Variants in FHIT observed in about 807,000 individuals in gnomAD.
The protein encoded by FHIT is bis(5'-adenosyl)-triphosphatase.
In FHIT, 19 loss-of-function variants were observed where a neutral mutation model predicts 17.9. The ratio of observed to expected loss-of-function variants is 1.06; its 90% CI spans 0.74 to 1.56. The LOEUF (loss-of-function observed/expected upper bound fraction) is 1.56, where lower values mean the gene tolerates loss of function less well. Ranked by LOEUF, FHIT falls within the 40% of genes most tolerant of loss-of-function variation. The pLI, the probability that FHIT is intolerant of heterozygous loss-of-function variation, is 0.00. For synonymous variants in FHIT, 81 were observed against 69.7 expected, an observed-to-expected ratio of 1.16 and a Z score of -0.81; for missense variants, 248 against 189.2, an observed-to-expected ratio of 1.31 and a Z score of -1.82.
intron 4 of FHIT, among the ~76,000 whole-genome samples, chr3:60,704,998 C>G (rs2041338124): frequency 6.6e-6 from 1 of 151,234 alleles, no homozygotes; most frequent in Non-Finnish European, 1.5e-5. Context: ...AAGAATGAAC[C>G]AACCCATAGG....
chr3:60,767,067 T>G (rs1699881436), intron 4 of FHIT, among the ~76,000 whole-genome samples: 1 of 152,218 alleles, frequency 6.6e-6, no homozygotes, highest in Admixed American at 6.5e-5. Context: ...GCTGACCCAT[T>G]TGGCTTGCAA....
intron 2 of FHIT, among the ~76,000 whole-genome samples, chr3:61,105,571 T>TA (rs561440499): frequency 8.6e-5 from 13 of 150,886 alleles, no homozygotes; most frequent in South Asian, 4.2e-4. Context: ...ATAATAATAA[T>TA]AAAAAAAAAG....
At chr3:60,975,363 A>C (rs1191467620) in intron 3 of FHIT, among the ~76,000 whole-genome samples, 1 of 152,200 alleles carries the variant, frequency 6.6e-6, no homozygotes, top group Non-Finnish European at 1.5e-5. Flanking sequence ...CAGAATTATT[A>C]ATTTTAAAGG....
intron 2 of FHIT, among the ~76,000 whole-genome samples, chr3:61,188,619 GAC>G (rs2038605717): frequency 6.6e-6 from 1 of 152,062 alleles, no homozygotes; most frequent in Middle Eastern, 3.2e-3. Flanking sequence ...GCTGGGCAGA[GAC>G]ACAACAAAAA....
chr3:60,174,907 C>A (rs1019897222), intron 5 of FHIT, among the ~76,000 whole-genome samples: 2 of 152,110 alleles, frequency 1.3e-5, no homozygotes, highest in African/African-American at 4.8e-5. Context: ...TAAATGCAAT[C>A]ATACATTTGA....
At chr3:61,120,361 T>C (rs1262738650) in intron 2 of FHIT, among the ~76,000 whole-genome samples, 1 of 152,216 alleles carries the variant, frequency 6.6e-6, no homozygotes, top group African/African-American at 2.4e-5. Flanking sequence ...CAGAAATCTT[T>C]TTATATTAGA....
At chr3:59,762,089 G>A (rs1701545964) in intron 8 of FHIT, among the ~76,000 whole-genome samples, 1 of 152,054 alleles carries the variant, frequency 6.6e-6, no homozygotes, top group African/African-American at 2.4e-5. Context: ...CAGTCAACCT[G>A]GTAACAGAGA....
chr3:61,020,725 C>G (rs574736031), intron 3 of FHIT, among the ~76,000 whole-genome samples: 1 of 152,140 alleles, frequency 6.6e-6, no homozygotes, highest in South Asian at 2.1e-4. Flanking sequence ...TGCAGACTGG[C>G]AAATTGGATA....
At chr3:61,172,304 T>C (rs1327123728) in intron 2 of FHIT, among the ~76,000 whole-genome samples, 1 of 152,206 alleles carries the variant, frequency 6.6e-6, no homozygotes, top group Admixed American at 6.5e-5. Flanking sequence ...TGATCTCTAA[T>C]GTAAACTTAG....
intron 5 of FHIT, among the ~76,000 whole-genome samples, chr3:60,321,924 C>G (rs1479519741): frequency 1.3e-5 from 2 of 152,150 alleles, no homozygotes; most frequent in African/African-American, 2.4e-5. Context: ...GCAGAGCCCT[C>G]GTGACTTAAT....
At chr3:61,213,295 A>T (rs1230414125) in intron 1 of FHIT, among the ~76,000 whole-genome samples, 1 of 152,214 alleles carries the variant, frequency 6.6e-6, no homozygotes, top group Non-Finnish European at 1.5e-5. Context: ...GGCTCAAAAT[A>T]AAGGGATGGA....
intron 2 of FHIT, among the ~76,000 whole-genome samples, chr3:61,101,253 G>A (rs2035811980): frequency 6.6e-6 from 1 of 152,098 alleles, no homozygotes; most frequent in African/African-American, 2.4e-5. Flanking sequence ...TGTAAGGAAG[G>A]GATCCAGTTT....
intron 2 of FHIT, among the ~76,000 whole-genome samples, chr3:61,045,641 A>G (rs1246615408): frequency 6.6e-6 from 1 of 152,226 alleles, no homozygotes; most frequent in Non-Finnish European, 1.5e-5. Context: ...AAGTGGACCT[A>G]ATAGACATCT....
intron 5 of FHIT, among the ~76,000 whole-genome samples, chr3:60,183,390 T>A (rs192791738): frequency 6.6e-6 from 1 of 152,270 alleles, no homozygotes; most frequent in Non-Finnish European, 1.5e-5. Context: ...AGAGTGAGAC[T>A]CTGTCTCAAA....
At chr3:60,178,084 T>C (rs1170353897) in intron 5 of FHIT, among the ~76,000 whole-genome samples, 10 of 152,162 alleles carry the variant, frequency 6.6e-5, no homozygotes, top group Non-Finnish European at 8.8e-5. Context: ...AGCTATTATA[T>C]AAAACACTGA....
rs1196507429 is a variant in FHIT, at chr3:60,377,464, C to CT, written c.103+159395dup. Reference sequence around the variant, plus strand: ...GATCCACCATGCCCAGCCAAGAATTCTTTTTTTTTTTTTTTTTTTTTTTTT... The same window carrying CT: ...GATCCACCATGCCCAGCCAAGAATTCTTTTTTTTTTTTTTTTTTTTTTTTTT... On this transcript the variant is annotated intron_variant, in intron 5 of 9. Coordinates refer to ENST00000492590, the MANE Select transcript of FHIT (RefSeq NM_002012.4). Among the ~76,000 whole-genome samples the CT allele has an allele frequency of 7.3e-3, 364 of 49,712 alleles. 27 individuals carry two copies. The highest frequency in any genetic ancestry group is 0.01 in the Non-Finnish European group (291 of 28,368). 32.6% of individuals were successfully genotyped at this position (49,712 alleles called of 152,430 possible). A position where few individuals can be genotyped will look rare whatever the true frequency, so the allele number is the denominator to read the frequency against.
chr3:60,752,567 G>A (rs536467320), intron 4 of FHIT, among the ~76,000 whole-genome samples: 17 of 152,204 alleles, frequency 1.1e-4, no homozygotes, highest in South Asian at 4.2e-4. Flanking sequence ...ACTTTTTTGC[G>A]TTTTATTTTG....
chr3:60,530,315 A>T (rs944456355), intron 5 of FHIT, among the ~76,000 whole-genome samples: 1 of 152,170 alleles, frequency 6.6e-6, no homozygotes, highest in Non-Finnish European at 1.5e-5. Context: ...CAACATGTAC[A>T]TGCCTCAGGA....
rs953365174 is a variant in FHIT at position 59,853,690 on chromosome 3, G to T, written c.348+68656C>A. Among the ~76,000 whole-genome samples the T allele has an allele frequency of 5.3e-5, 8 of 152,184 alleles. No homozygotes were observed. The South Asian group carries it at 1.7e-3, about 32-fold the overall frequency. On this transcript the variant is annotated intron_variant, in intron 8 of 9. Coordinates refer to ENST00000492590, the MANE Select transcript of FHIT (RefSeq NM_002012.4). ...TTTCATCATATTCTATTGTGGGTGT[G>T]CATGTGTGTGTGTGACAGACACATA...
Sources: gnomAD v4.1 joint callset for allele counts (sites outside exome capture counted in the v4.1 genomes callset) on GRCh38, gnomAD v4.1.1 for gene constraint, MANE v1.5 for transcripts, NCBI Gene and HGNC (gene_info 2026-07-23, HGNC 2026-07-21) for gene names.